The following MPP7 variants were observed in gnomAD, a reference collection of about 807,000 sequenced individuals.
MPP7 encodes the protein MAGUK p55 subfamily member 7.
Under a neutral mutation model 76.5 loss-of-function variants are expected in MPP7, and 60 were observed. That is an observed-to-expected ratio of 0.78 (90% CI 0.64 to 0.97). The LOEUF (loss-of-function observed/expected upper bound fraction) is 0.97. Among genes scored for constraint, MPP7 ranks in the 50% least tolerant of loss-of-function variants. The pLI is 0.00. For missense variants in MPP7, 641 were observed against 694.0 expected, an observed-to-expected ratio of 0.92 and a Z score of 0.86; for synonymous variants, 237 against 244.5, an observed-to-expected ratio of 0.97 and a Z score of 0.29.
intron 7 of MPP7, among the ~76,000 whole-genome samples, chr10:28,124,317 C>T (rs932945909): frequency 2.0e-5 from 3 of 152,060 alleles, no homozygotes; most frequent in African/African-American, 7.2e-5. Flanking sequence ...TAATGCTGGC[C>T]AAGAAATGGT....
chr10:28,330,686 G>T (rs1834463256), intron 1 of MPP7, among the ~76,000 whole-genome samples: 1 of 152,062 alleles, frequency 6.6e-6, no homozygotes, highest in African/African-American at 2.4e-5. Flanking sequence ...ATGGGATCTT[G>T]CTCTGTCACC....
chr10:28,113,852 C>A (rs2133577304), intron 11 of MPP7, among the ~76,000 whole-genome samples: 1 of 152,272 alleles, frequency 6.6e-6, no homozygotes, highest in Admixed American at 6.5e-5. Context: ...TTACTCAAGT[C>A]TCAGACTAGA....
intron 6 of MPP7, among the ~76,000 whole-genome samples, chr10:28,125,414 G>A (rs1042336359): frequency 2.6e-5 from 4 of 151,674 alleles, no homozygotes; most frequent in African/African-American, 9.7e-5. Context: ...AATGCTGTTT[G>A]GTTTTTATCC....
intron 3 of MPP7, among the ~76,000 whole-genome samples, chr10:28,175,992 A>C (rs1189797916): frequency 6.6e-6 from 1 of 152,228 alleles, no homozygotes; most frequent in Non-Finnish European, 1.5e-5. Flanking sequence ...AATTAGGAAG[A>C]GAAGGGAAAT....
intron 1 of MPP7, among the ~76,000 whole-genome samples, chr10:28,332,834 T>C (rs1370470394): frequency 6.6e-6 from 1 of 151,812 alleles, no homozygotes; most frequent in Non-Finnish European, 1.5e-5. Flanking sequence ...GCTAATTCTT[T>C]TATTTTTATA....
intron 1 of MPP7, 98 bp from the exon 2 acceptor site, chr10:28,238,833 G>T: frequency 1.9e-6 from 1 of 526,182 alleles, no homozygotes; most frequent in Non-Finnish European, 3.4e-6. Context: ...AATCACTATT[G>T]GAGAGATCGC....
intron 2 of MPP7, among the ~76,000 whole-genome samples, chr10:28,319,275 A>G (rs1173625474): frequency 1.3e-5 from 2 of 152,194 alleles, no homozygotes; most frequent in Non-Finnish European, 2.9e-5. Flanking sequence ...CCACCCCATG[A>G]TCCAATCACC....
At chr10:28,331,819 G>A (rs1834472934) in intron 1 of MPP7, among the ~76,000 whole-genome samples, 1 of 152,060 alleles carries the variant, frequency 6.6e-6, no homozygotes, top group African/African-American at 2.4e-5. Flanking sequence ...AAGTGTTTCA[G>A]CCACCTCAGC....
intron 10 of MPP7, 24 bp from the exon 11 acceptor site, chr10:28,119,739 C>T (rs1207718699): frequency 3.1e-6 from 5 of 1,600,796 alleles, no homozygotes; most frequent in Non-Finnish European, 4.3e-6. Context: ...GGTCAACATA[C>T]CTATCAATTT....
intron 13 of MPP7, among the ~76,000 whole-genome samples, chr10:28,064,565 G>A (rs1851918893): frequency 6.6e-6 from 1 of 152,116 alleles, no homozygotes; most frequent in Non-Finnish European, 1.5e-5. Context: ...TGATGTAATT[G>A]CACATTTTAA....
chr10:28,061,888 T>A (rs1205123075), intron 13 of MPP7, among the ~76,000 whole-genome samples: 1 of 152,048 alleles, frequency 6.6e-6, no homozygotes, highest in Non-Finnish European at 1.5e-5. Flanking sequence ...ATAATATCTT[T>A]AAAGCACTAA....
chr10:28,235,326 T>C (rs1839037649), intron 2 of MPP7, among the ~76,000 whole-genome samples: 2 of 149,650 alleles, frequency 1.3e-5, no homozygotes, highest in South Asian at 4.7e-4. Context: ...TGTAAGATGC[T>C]AATAACAGGG....
upstream of MPP7, chr10:28,303,439 C>T (rs937441975): frequency 5.9e-5 from 9 of 152,214 alleles, no homozygotes; most frequent in Non-Finnish European, 1.0e-4. Flanking sequence ...TCTTAAGCCG[C>T]TGCGATTCTC....
At chr10:28,094,912 G>A (rs921499524) in intron 11 of MPP7, among the ~76,000 whole-genome samples, 4 of 151,980 alleles carry the variant, frequency 2.6e-5, no homozygotes, top group African/African-American at 9.7e-5. Flanking sequence ...CCAACATTCC[G>A]CCACTGCACT....
intron 5 of MPP7, among the ~76,000 whole-genome samples, chr10:28,143,861 G>C (rs1464845369): frequency 1.2e-3 from 15 of 12,142 alleles, no homozygotes; most frequent in South Asian, 9.6e-3. Flanking sequence ...TGTGCTGTGT[G>C]TGTGTGTGTG....
At chr10:28,171,483 A>G (rs6481503) in intron 3 of MPP7, among the ~76,000 whole-genome samples, 20,478 of 152,202 alleles carry the variant, frequency 0.13, 2,071 homozygotes, top group African/African-American at 0.28. Context: ...AGGCCATACC[A>G]TGGGGTCAAC....
chr10:28,134,197 G>A (rs1377650126), intron 5 of MPP7, among the ~76,000 whole-genome samples: 1 of 152,024 alleles, frequency 6.6e-6, no homozygotes, highest in Non-Finnish European at 1.5e-5. Context: ...TACATTATTA[G>A]TCTAAATTTG....
chr10:28,056,464 G>C lies in MPP7; in HGVS notation c.1551+16C>G. 1 of 1,603,978 alleles carries C rather than the reference G, an allele frequency of 6.2e-7. No homozygotes were observed. The highest frequency in any genetic ancestry group is 8.5e-7 in the Non-Finnish European group (1 of 1,177,076). ...GTGGGCCACCACACCTGGCCCCCAA[G>C]CATCATTATACTTACTGTGAAGGGT... On this transcript the variant is annotated intron_variant, in intron 16 of 16. Coordinates refer to ENST00000683449, the MANE Select transcript of MPP7 (RefSeq NM_001318170.2).
chr10:28,288,271 G>A (rs575875181), intron 1 of MPP7, among the ~76,000 whole-genome samples: 149 of 152,170 alleles, frequency 9.8e-4, no homozygotes, highest in South Asian at 2.5e-3. Flanking sequence ...ACAGGGTTTC[G>A]CTCTGTCACT....
Sources: gnomAD v4.1 joint callset for allele counts (sites outside exome capture counted in the v4.1 genomes callset) on GRCh38, gnomAD v4.1.1 for gene constraint, MANE v1.5 for transcripts, NCBI Gene and HGNC (gene_info 2026-07-23, HGNC 2026-07-21) for gene names.